The following TRPM1 variants were observed in gnomAD, a reference collection of about 807,000 sequenced individuals.
The protein encoded by TRPM1 is TRPM1-203 APA Isoform, Intron 10.
Under a neutral mutation model 149.4 loss-of-function variants are expected in TRPM1, and 113 were observed. The observed-to-expected ratio is 0.76, with a 90% CI of 0.65 to 0.88. The LOEUF is 0.88. Among genes scored for constraint, TRPM1 ranks in the 40% least tolerant of loss-of-function variants. TRPM1 has a pLI of 0.00. For missense variants in TRPM1, 1,976 were observed against 2,038.7 expected (o/e 0.97, Z 0.59); for synonymous variants, 741 against 759.5 (o/e 0.98, Z 0.40).
At position 31,002,214 on chromosome 15, in the gene TRPM1, C is replaced by A; in HGVS notation, c.4486G>T (p.Val1496Phe). ...CTATGAGAGCGCGTGATCTTTTGAA[C>A]TTGGCATTGCCATTCCGTCGTCAAT... ...QQLTTEWQCQ[V>F]QKITRSHSTD... Residue 1496 changes from valine (V) to phenylalanine (F), a missense_variant, in exon 28 of 28, where the codon GTT becomes TTT. Physicochemically the swap from Val to Phe is conservative, Grantham distance 50. Coordinates refer to ENST00000256552, the MANE Select transcript of TRPM1 (RefSeq NM_001252024.2). 6.2e-7 allele frequency: 1 copy of A among 1,614,252 alleles called. No homozygotes were observed. Among genetic ancestry groups the A allele is most frequent in the Non-Finnish European group, 8.5e-7 (1 of 1,180,048 alleles).
intron 14 of TRPM1, 30 bp downstream of exon 14, chr15:31,047,859 C>G: frequency 6.3e-7 from 1 of 1,582,868 alleles, no homozygotes; most frequent in Middle Eastern, 1.7e-4. Flanking sequence ...AAGATGCCAA[C>G]AGGTAAGAAT....
At chr15:31,158,535 G>A (rs1341035495) in intron 1 of TRPM1, among the ~76,000 whole-genome samples, 3 of 150,310 alleles carry the variant, frequency 2.0e-5, no homozygotes, top group Non-Finnish European at 2.9e-5. Flanking sequence ...GCTGAGGCAG[G>A]AGAATCGCTT....
intron 11 of TRPM1, among the ~76,000 whole-genome samples, chr15:31,057,373 T>C (rs556829105): frequency 1.3e-5 from 2 of 152,036 alleles, no homozygotes; most frequent in South Asian, 4.2e-4. Context: ...TAACAGACAC[T>C]GGGGCCTTTT....
Position 31,027,083 on chromosome 15 carries a change from G to A in TRPM1, c.3328C>T (p.Gln1110Ter). The A allele has an allele frequency of 6.2e-7, 1 of 1,614,062 alleles. No homozygotes were observed. The highest frequency in any genetic ancestry group is 8.5e-7 in the Non-Finnish European group (1 of 1,180,024). ...TGATATCGCTGGAACTTCCACACCT[G>A]GTTGGATATTGATTTTACTTCAAAG... is the stretch of plus-strand genomic sequence containing the variant. ...TFFEVKSISNQVWKFQRYQLI... is the reference protein window; with the variant it reads ...TFFEVKSISN Residue 1110 changes from glutamine (Q) to a stop codon, truncating the protein, a stop_gained, in exon 26 of 28, where the codon CAG (glutamine) becomes TAG (stop). Coordinates refer to ENST00000256552, the MANE Select transcript of TRPM1 (RefSeq NM_001252024.2). LOFTEE classifies it high-confidence loss of function.
chr15:31,110,427 T>C (rs2035668645), intron 1 of TRPM1, among the ~76,000 whole-genome samples: 1 of 152,184 alleles, frequency 6.6e-6, no homozygotes, highest in Non-Finnish European at 1.5e-5. Flanking sequence ...ATTTCTCCAC[T>C]GACTGACGAA....
intron 1 of TRPM1, among the ~76,000 whole-genome samples, chr15:31,142,210 T>A (rs1596099363): frequency 6.6e-6 from 1 of 152,234 alleles, no homozygotes; most frequent in Non-Finnish European, 1.5e-5. Context: ...TCTCCCTCTC[T>A]GCATCTAAAT....
At chr15:31,076,016 A>G (rs1421501207) in intron 3 of TRPM1, among the ~76,000 whole-genome samples, 2 of 152,044 alleles carry the variant, frequency 1.3e-5, no homozygotes, top group Non-Finnish European at 2.9e-5. Context: ...GCTGGCACAG[A>G]GAGTTCCCAG....
At position 31,021,975 on chromosome 15, in the gene TRPM1, C is replaced by G. The variant is rs139277541; in HGVS notation, c.3629+4164G>C. On this transcript the variant is annotated intron_variant, in intron 27 of 27. Transcript: ENST00000256552. Reference sequence around the variant, plus strand: ...AAAGCAGAGAAGAGGCAACGTACCCCACATATTTCAAAATCCTATAGTAAT... The same window carrying G: ...AAAGCAGAGAAGAGGCAACGTACCCGACATATTTCAAAATCCTATAGTAAT... Among the ~76,000 whole-genome samples, 723 of 152,208 alleles carry G rather than the reference C, an allele frequency of 4.8e-3. 16 individuals carry two copies. The highest frequency in any genetic ancestry group is 0.039 in the Admixed American group (601 of 15,296).
In TRPM1 at chr15:31,002,581, C is replaced by T. The variant is rs1023930249; in HGVS notation, c.4119G>A (p.Glu1373=). ...LAVDDLKNAE[E]SKLGPDIGIS... The stretch of plus-strand genomic sequence containing the variant: ...TCCCAATATCTGGACCTAATTTTGA[C>T]TCTTCAGCGTTCTTTAAGTCATCTA... Residue 1373 remains glutamate (E), a synonymous_variant, in exon 28 of 28, where the codon GAG becomes GAA. Transcript: ENST00000256552. The T allele has an allele frequency of 1.2e-6, 2 of 1,614,170 alleles. No individual in the cohort carries two copies. Among genetic ancestry groups the T allele is most frequent in the East Asian group, 2.2e-5 (1 of 44,886 alleles).
At chr15:31,059,377 G>A (rs539874090) in intron 11 of TRPM1, among the ~76,000 whole-genome samples, 3 of 152,222 alleles carry the variant, frequency 2.0e-5, no homozygotes, top group African/African-American at 7.2e-5. Context: ...AATATGCCAG[G>A]GATGTTTTGA....
At chr15:31,058,894 C>T (rs866272698) in intron 11 of TRPM1, among the ~76,000 whole-genome samples, 1 of 151,908 alleles carries the variant, frequency 6.6e-6, no homozygotes, top group East Asian at 1.9e-4. Context: ...CCAGCCTGGC[C>T]GACATGGTGA....
chr15:31,074,678 C>T, intron 3 of TRPM1, among the ~76,000 whole-genome samples: 1 of 152,028 alleles, frequency 6.6e-6, no homozygotes, highest in East Asian at 1.9e-4. Flanking sequence ...ATTCTCTTTT[C>T]CATTAATTCC....
At chr15:31,118,463 C>G (rs768270564) in intron 1 of TRPM1, among the ~76,000 whole-genome samples, 1 of 151,676 alleles carries the variant, frequency 6.6e-6, no homozygotes, top group Non-Finnish European at 1.5e-5. Context: ...ATATGTGGAC[C>G]TATCGTGTTC....
chr15:31,018,625 A>G (rs1160553706), intron 27 of TRPM1, among the ~76,000 whole-genome samples: 1 of 151,882 alleles, frequency 6.6e-6, no homozygotes, highest in Non-Finnish European at 1.5e-5. Context: ...CACCTGCCTC[A>G]GCACCCAAAG....
chr15:31,064,901 C>T (rs2034326509), intron 7 of TRPM1: 1 of 422,186 alleles, frequency 2.4e-6, no homozygotes, highest in Non-Finnish European at 4.8e-6. Flanking sequence ...ATCCTGGACT[C>T]CGCCTTTGAG....
rs75015552 is a variant in TRPM1, at chr15:31,110,560, C to T, written c.55-33576G>A. 6.3e-3 allele frequency among the ~76,000 whole-genome samples: 964 copies of T among 152,284 alleles called. 13 individuals are homozygous for T. Among genetic ancestry groups the T allele is most frequent in the African/African-American group, 0.022 (926 of 41,544 alleles). ...GGTCTTCCTGGTGAGCCTTAAGATC[C>T]AAGTTGGCCAAAATATGCTGGCCGT... On this transcript the variant is annotated intron_variant, in intron 1 of 26. Coordinates refer to the TRPM1 transcript ENST00000542188.
chr15:31,111,456 ATT>A, intron 1 of TRPM1, among the ~76,000 whole-genome samples: 1 of 152,330 alleles, frequency 6.6e-6, no homozygotes, highest in African/African-American at 2.4e-5. Context: ...ATGGAAGTTG[ATT>A]CGACCTTTTC....
Position 31,046,270 on chromosome 15 carries a change from C to CA in TRPM1, c.1765-38_1765-37insT, listed in dbSNP as rs747298926. On this transcript the variant is annotated intron_variant, in intron 15 of 27. Coordinates refer to ENST00000256552, the MANE Select transcript of TRPM1 (RefSeq NM_001252024.2). ...AAGAGGAAGAAAAAAAATCAATTTA[C>CA]TTAGATAACTAATGTTAGTAGTACA... The CA allele has an allele frequency of 1.2e-3, 1,999 of 1,601,012 alleles. 30 individuals are homozygous for CA. In the African/African-American group the frequency reaches 0.025, roughly 20 times the overall value.
At chr15:31,090,151 C>G (rs909803256) in intron 1 of TRPM1, among the ~76,000 whole-genome samples, 1 of 152,164 alleles carries the variant, frequency 6.6e-6, no homozygotes. Context: ...GCTATTTCTT[C>G]CTGGTTCTCA....
Sources: gnomAD v4.1 joint callset for allele counts (sites outside exome capture counted in the v4.1 genomes callset) on GRCh38, gnomAD v4.1.1 for gene constraint, MANE v1.5 for transcripts, NCBI Gene and HGNC (gene_info 2026-07-23, HGNC 2026-07-21) for gene names.